PDE10A: variants seen among roughly 807,000 people sequenced by gnomAD.
PDE10A encodes phosphodiesterase 10A, also known as cAMP and cAMP-inhibited cGMP 3',5'-cyclic phosphodiesterase 10A.
Under a neutral mutation model 97.7 loss-of-function variants are expected in PDE10A, and 39 were observed. The observed-to-expected ratio is 0.40, with a 90% CI of 0.31 to 0.52. The LOEUF (loss-of-function observed/expected upper bound fraction) is 0.52, where lower values mean the gene tolerates loss of function less well. Ranked by LOEUF, PDE10A falls within the 20% of genes least tolerant of loss-of-function variation. PDE10A has a pLI of 0.56. For synonymous variants in PDE10A, 371 were observed against 376.8 expected (o/e 0.98, Z 0.18); for missense variants, 731 against 1,047.8 (o/e 0.70, Z 4.17).
At chr6:165,752,667 G>T (rs944489703) in intron 1 of PDE10A, among the ~76,000 whole-genome samples, 1 of 152,092 alleles carries the variant, frequency 6.6e-6, no homozygotes, top group Non-Finnish European at 1.5e-5. Context: ...AACATTCCAC[G>T]TGAGGTATTC....
intron 1 of PDE10A, among the ~76,000 whole-genome samples, chr6:165,788,518 C>CAAAAAAAA (rs56927613): frequency 8.4e-4 from 63 of 74,638 alleles, no homozygotes; most frequent in African/African-American, 2.4e-3. Context: ...AACTCTGTCT[C>CAAAAAAAA]AAAAAAAAAA....
rs146261766 is a variant in PDE10A, at chr6:165,595,014, G to C, written c.866-51446C>G. ...AGAGAAGTAACTTTGTCAAAGTCAC[G>C]TATCTAGTGACTGGCAAAGCTGGAA... On this transcript the variant is annotated intron_variant, in intron 1 of 21. Transcript: ENST00000539869. Among the ~76,000 whole-genome samples, 861 of 152,294 alleles carry C rather than the reference G, an allele frequency of 5.7e-3. 4 individuals carry two copies. The highest frequency in any genetic ancestry group is 0.011 in the African/African-American group (460 of 41,568).
intron 15 of PDE10A, among the ~76,000 whole-genome samples, chr6:165,393,393 T>C (rs1007784614): frequency 6.6e-6 from 1 of 151,568 alleles, no homozygotes. Context: ...AGTTATACTA[T>C]ATTTTTATAT....
intron 18 of PDE10A, among the ~76,000 whole-genome samples, chr6:165,372,716 T>A (rs1379309047): frequency 1.6e-4 from 21 of 128,574 alleles, no homozygotes; most frequent in African/African-American, 2.9e-4. Context: ...TTCACAGAAT[T>A]GGAAAAAAAT....
chr6:165,659,642 T>C (rs539265928), intron 1 of PDE10A, among the ~76,000 whole-genome samples: 2 of 152,270 alleles, frequency 1.3e-5, no homozygotes, highest in African/African-American at 2.4e-5. Flanking sequence ...CTTTTGCTCC[T>C]GTTCAAGGCC....
upstream of PDE10A, among the ~76,000 whole-genome samples, chr6:165,665,898 T>C (rs1790487259): frequency 6.6e-6 from 1 of 152,256 alleles, no homozygotes; most frequent in African/African-American, 2.4e-5. Flanking sequence ...AACATTCTTC[T>C]ATATGTTGTT....
intron 1 of PDE10A, among the ~76,000 whole-genome samples, chr6:165,651,993 A>G (rs1027014807): frequency 6.6e-6 from 1 of 152,148 alleles, no homozygotes; most frequent in Non-Finnish European, 1.5e-5. Flanking sequence ...GTTCTGTTGC[A>G]TTAATTTGTC....
intron 1 of PDE10A, among the ~76,000 whole-genome samples, chr6:165,715,340 C>T (rs1294195603): frequency 6.6e-6 from 1 of 152,196 alleles, no homozygotes; most frequent in Non-Finnish European, 1.5e-5. Flanking sequence ...GTCCTAGAAC[C>T]ATACGCTGTC....
At chr6:165,859,586 G>A (rs1780843396) in intron 1 of PDE10A, among the ~76,000 whole-genome samples, 1 of 152,178 alleles carries the variant, frequency 6.6e-6, no homozygotes, top group African/African-American at 2.4e-5. Flanking sequence ...CTCTGGGCAC[G>A]CCACCCACCA....
At chr6:165,371,988 C>T (rs1275887318) in intron 18 of PDE10A, among the ~76,000 whole-genome samples, 1 of 150,556 alleles carries the variant, frequency 6.6e-6, no homozygotes, top group Non-Finnish European at 1.5e-5. Context: ...ACATGATTAT[C>T]TCAATAGCTG....
At chr6:165,681,571 C>T (rs762758141) in intron 1 of PDE10A, among the ~76,000 whole-genome samples, 11 of 152,160 alleles carry the variant, frequency 7.2e-5, no homozygotes, top group Non-Finnish European at 1.5e-4. Flanking sequence ...CCAGGGGATA[C>T]CGATGCTGCC....
chr6:165,433,909 C>T (rs566142500), intron 6 of PDE10A, among the ~76,000 whole-genome samples: 2 of 149,580 alleles, frequency 1.3e-5, no homozygotes, highest in South Asian at 2.1e-4. Flanking sequence ...CCCAGCTATT[C>T]GGGAGCCTGA....
intron 1 of PDE10A, among the ~76,000 whole-genome samples, chr6:165,689,029 A>G (rs763517731): frequency 6.6e-6 from 1 of 152,210 alleles, no homozygotes; most frequent in Non-Finnish European, 1.5e-5. Context: ...GGAAAGCAAC[A>G]CCCTCCATTG....
In PDE10A at chr6:165,392,729, G is replaced by A; in HGVS notation, c.2371C>T (p.His791Tyr). 6.2e-7 allele frequency: 1 copy of A among 1,613,812 alleles called. No individual in the cohort carries two copies. Among genetic ancestry groups the A allele is most frequent in the Non-Finnish European group, 8.5e-7 (1 of 1,179,770 alleles). ...ACAGTGACCGCATGCTTCCAGTTGTGATAAGGAACCCGCCGATAGTTCTTC... is the reference window on the plus strand; with the variant it reads ...ACAGTGACCGCATGCTTCCAGTTGTAATAAGGAACCCGCCGATAGTTCTTC... Reference protein sequence around the residue: ...VKKNYRRVPYHNWKHAVTVAH... With the variant: ...VKKNYRRVPYYNWKHAVTVAH... Residue 791 changes from histidine (H) to tyrosine (Y), a missense_variant, in exon 16 of 22, where the codon CAC (histidine) becomes TAC (tyrosine). Around this residue, in one of 8 missense-constraint regions of PDE10A, gnomAD observed 131 missense variants for 187.4 expected, o/e 0.70. Transcript: ENST00000539869.
intron 1 of PDE10A, among the ~76,000 whole-genome samples, chr6:165,935,282 C>T (rs1429676149): frequency 2.6e-5 from 4 of 152,082 alleles, no homozygotes; most frequent in African/African-American, 9.7e-5. Context: ...AGAAGTAGGA[C>T]AAAGTGATTC....
At chr6:165,701,671 GTT>G (rs200837950) in intron 1 of PDE10A, among the ~76,000 whole-genome samples, 3 of 93,144 alleles carry the variant, frequency 3.2e-5, no homozygotes, top group Non-Finnish European at 6.8e-5. Context: ...GTGCATGTAT[GTT>G]TGTGTGTGTG....
At chr6:165,553,676 C>A (rs758415812) in intron 1 of PDE10A, among the ~76,000 whole-genome samples, 1 of 152,186 alleles carries the variant, frequency 6.6e-6, no homozygotes, top group South Asian at 2.1e-4. Context: ...TTGTTTCCCA[C>A]ATTCACAATT....
chr6:165,333,464 G>A (rs182389820), intron 21 of PDE10A, among the ~76,000 whole-genome samples: 6 of 152,210 alleles, frequency 3.9e-5, no homozygotes, highest in Non-Finnish European at 7.4e-5. Flanking sequence ...AGGAATACGC[G>A]GGATCGTGCA....
rs1458788778 is a variant in PDE10A at position 165,803,827 on chromosome 6, C to T, written c.-615+183702G>A. The stretch of plus-strand genomic sequence containing the variant: ...CATACATGCAGGCACAGTTAGAGAA[C>T]TCACAGAATCTTCCATCTTCCTACC... On this transcript the variant is annotated intron_variant, in intron 1 of 19. Transcript: ENST00000366882. Among the ~76,000 whole-genome samples, 3 of 152,176 alleles carry T rather than the reference C, an allele frequency of 2.0e-5. No homozygotes were observed. In the East Asian group the frequency reaches 5.8e-4, roughly 29 times the overall value.
Sources: allele counts gnomAD v4.1 joint callset (sites outside exome capture counted in the v4.1 genomes callset), GRCh38; gene constraint gnomAD v4.1.1; regional missense constraint gnomAD v4.1.1; transcripts MANE v1.5; gene names NCBI Gene and HGNC (gene_info 2026-07-23, HGNC 2026-07-21).